The following COLEC11 variants were observed in gnomAD, a reference collection of about 807,000 sequenced individuals.
COLEC11 encodes the protein collectin subfamily member 11.
In COLEC11, 20 loss-of-function variants were observed where a neutral mutation model predicts 27.3. That is an observed-to-expected ratio of 0.73 (90% CI 0.51 to 1.06). COLEC11 has a LOEUF of 1.06. Ranked by LOEUF, COLEC11 falls within the 50% of genes least tolerant of loss-of-function variation. The probability of loss-of-function intolerance (pLI) is 0.00; values close to 1 mark genes in which losing one functional copy is unlikely to be tolerated. For missense variants in COLEC11, 310 were observed against 383.0 expected, an observed-to-expected ratio of 0.81 and a Z score of 1.59; for synonymous variants, 163 against 154.7, an observed-to-expected ratio of 1.05 and a Z score of -0.40.
At chr2:3,605,071 C>T (rs1219173101) in intron 2 of COLEC11, 2 of 470,834 alleles carry the variant, frequency 4.2e-6, no homozygotes, top group Non-Finnish European at 8.8e-6. Flanking sequence ...TCTGAAGCCT[C>T]CAGAGCAGCA....
intron 2 of COLEC11, chr2:3,606,074 T>C: frequency 1.3e-6 from 2 of 1,549,434 alleles, no homozygotes; most frequent in Admixed American, 3.9e-5. Flanking sequence ...TGAAAGTGGC[T>C]TTGGCCCTGA....
Position 3,604,330 on chromosome 2 carries a change from C to T in COLEC11, c.-11C>T. The T allele has an allele frequency of 6.2e-7, 1 of 1,613,956 alleles. No individual in the cohort carries two copies. The stretch of plus-strand genomic sequence containing the variant: ...CTCTGTGTAGGAGTTGGTGTCCTGC[C>T]TGCGCTCAGGATGAGGGGGAATCTG... On this transcript the variant is annotated 5_prime_UTR_variant, in exon 2 of 7. Transcript: ENST00000349077.
intron 4 of COLEC11, 120 bp downstream of exon 4, chr2:3,637,724 A>G: frequency 2.4e-6 from 2 of 843,812 alleles, no homozygotes; most frequent in South Asian, 2.8e-5. Flanking sequence ...TATTCGGTGC[A>G]TGGTAGATAA....
At chr2:3,619,623 G>C (rs1221401968) in intron 3 of COLEC11, among the ~76,000 whole-genome samples, 1 of 152,098 alleles carries the variant, frequency 6.6e-6, no homozygotes, top group African/African-American at 2.4e-5. Flanking sequence ...CTTGATCATG[G>C]TGTATAATAC....
chr2:3,620,951 G>T (rs115808863), intron 3 of COLEC11, among the ~76,000 whole-genome samples: 3 of 152,210 alleles, frequency 2.0e-5, no homozygotes, highest in Non-Finnish European at 1.5e-5. Context: ...GTGGCCTAAC[G>T]TATGAGCTAT....
chr2:3,606,359 C>G (rs1662699485), intron 2 of COLEC11: 2 of 857,718 alleles, frequency 2.3e-6, no homozygotes, highest in Non-Finnish European at 3.7e-6. Flanking sequence ...CCTGGGTCCC[C>G]TGGATGTGCT....
rs945345891 is a variant in COLEC11, at chr2:3,613,244, C to T, written c.131-67C>T. Reference sequence around the variant, plus strand: ...GAGAACGCTTCTAACTGTTCTTCCTCCACAAATCACTCTGAGACGCTGTGC... The same window carrying T: ...GAGAACGCTTCTAACTGTTCTTCCTTCACAAATCACTCTGAGACGCTGTGC... On this transcript the variant is annotated intron_variant, in intron 2 of 6. Coordinates refer to ENST00000349077, the MANE Select transcript of COLEC11 (RefSeq NM_024027.5). 4.6e-6 allele frequency: 7 copies of T among 1,524,560 alleles called. No homozygotes were observed. In the African/African-American group the frequency reaches 9.6e-5, roughly 21 times the overall value. The allele number at this position is 1,524,560 out of a possible 1,614,324, so 94.4% of individuals were successfully genotyped here.
At chr2:3,610,492 A>G (rs1663103169) in intron 2 of COLEC11, among the ~76,000 whole-genome samples, 1 of 152,168 alleles carries the variant, frequency 6.6e-6, no homozygotes, top group South Asian at 2.1e-4. Context: ...GCGGTGTGAA[A>G]TGCTTTATGA....
intron 3 of COLEC11, among the ~76,000 whole-genome samples, chr2:3,636,300 C>G (rs1004146537): frequency 6.6e-6 from 1 of 152,196 alleles, no homozygotes; most frequent in Non-Finnish European, 1.5e-5. Context: ...GCTAAAAATA[C>G]AAAAATTAGC....
intron 3 of COLEC11, among the ~76,000 whole-genome samples, chr2:3,628,697 C>T (rs1399402538): frequency 1.3e-5 from 2 of 152,244 alleles, no homozygotes; most frequent in African/African-American, 4.8e-5. Context: ...CCAGAGAAAG[C>T]CCAGCTGTTA....
chr2:3,636,326 A>G (rs1468658644), intron 3 of COLEC11, among the ~76,000 whole-genome samples: 1 of 152,210 alleles, frequency 6.6e-6, no homozygotes, highest in Non-Finnish European at 1.5e-5. Context: ...GTGGTGGCGG[A>G]TGCCTGTAGT....
intron 3 of COLEC11, among the ~76,000 whole-genome samples, chr2:3,614,903 A>G (rs576692955): frequency 2.0e-5 from 3 of 152,376 alleles, no homozygotes; most frequent in East Asian, 3.9e-4. Context: ...TCCGAATAAC[A>G]TCAGTCTTCC....
chr2:3,641,320 C>T lies in COLEC11; in HGVS notation c.328+989C>T, dbSNP rs113226829. 9.3e-3 allele frequency: 12,117 copies of T among 1,303,394 alleles called. 182 individuals carry two copies. Among genetic ancestry groups the T allele is most frequent in the African/African-American group, 0.039 (2,589 of 65,958 alleles). The allele number at this position is 1,303,394 out of a possible 1,614,324, so 80.7% of individuals were successfully genotyped here. On this transcript the variant is annotated intron_variant, in intron 5 of 6. Transcript: ENST00000349077. Reference sequence around the variant, plus strand: ...GGTGTGACTTGGCTGAGTGTGAGTGCGCTGAGATCAGTGTCACTGACTGGC... The same window carrying T: ...GGTGTGACTTGGCTGAGTGTGAGTGTGCTGAGATCAGTGTCACTGACTGGC...
At chr2:3,624,338 G>A (rs962378595) in intron 3 of COLEC11, among the ~76,000 whole-genome samples, 2 of 152,104 alleles carry the variant, frequency 1.3e-5, no homozygotes, top group Non-Finnish European at 2.9e-5. Context: ...CACAGGAAAG[G>A]CGTCTCCATC....
chr2:3,644,108 A>T lies in COLEC11; in HGVS notation c.806A>T (p.Glu269Val), dbSNP rs1300300236. ...TMYFMCEFDK[E>V]NM The stretch of plus-strand genomic sequence containing the variant: ...TACTTCATGTGTGAGTTTGACAAGG[A>T]GAACATGTGAGCCTCAGGCTGGGGC... The change falls in exon 7 of 7, where the codon GAG becomes GTG. Residue 269 changes from glutamate (E) to valine (V), a missense_variant. Physicochemically the swap from Glu to Val is moderately radical, Grantham distance 121. Transcript: ENST00000349077. 36 of 1,611,154 alleles carry T rather than the reference A, an allele frequency of 2.2e-5. No homozygotes were observed. The highest frequency in any genetic ancestry group is 3.0e-5 in the Non-Finnish European group (35 of 1,180,028).
chr2:3,626,234 AG>A, intron 3 of COLEC11: 1 of 806,760 alleles, frequency 1.2e-6, no homozygotes, highest in Non-Finnish European at 2.2e-6. Context: ...GTTTGCTGGG[AG>A]GGAGGAATAT....
At chr2:3,605,945 A>T in intron 2 of COLEC11, 1 of 988,218 alleles carries the variant, frequency 1.0e-6, no homozygotes, top group Non-Finnish European at 1.5e-6. Flanking sequence ...TGCAGCCCAG[A>T]CAAGCCCAGT....
At chr2:3,634,467 T>G (rs562410486) in intron 3 of COLEC11, among the ~76,000 whole-genome samples, 1 of 152,332 alleles carries the variant, frequency 6.6e-6, no homozygotes, top group Non-Finnish European at 1.5e-5. Context: ...TGCCTCCTCC[T>G]GCAGCAAAGC....
At chr2:3,617,624 T>G (rs1663864671) in intron 3 of COLEC11, 4 of 1,612,210 alleles carry the variant, frequency 2.5e-6, no homozygotes, top group East Asian at 2.2e-5. Flanking sequence ...AGTCTCTGTC[T>G]TCTTCAGTTT....
Sources: gnomAD v4.1 joint callset for allele counts (sites outside exome capture counted in the v4.1 genomes callset) on GRCh38, gnomAD v4.1.1 for gene constraint, MANE v1.5 for transcripts, NCBI Gene and HGNC (gene_info 2026-07-23, HGNC 2026-07-21) for gene names.